ENTPD6: variants seen among roughly 807,000 people sequenced by gnomAD.
The protein encoded by ENTPD6 is CD39 antigen-like 2.
ENTPD6 carries 46 observed loss-of-function variants against 61.5 expected under a neutral mutation model. That is an observed-to-expected ratio of 0.75 (90% CI 0.59 to 0.96). The LOEUF (loss-of-function observed/expected upper bound fraction) is 0.96, where lower values mean the gene tolerates loss of function less well. ENTPD6 is among the 40% of genes least tolerant of loss of function. The pLI, the probability that ENTPD6 is intolerant of heterozygous loss-of-function variation, is 0.00. For synonymous variants in ENTPD6, 252 were observed against 255.5 expected, an observed-to-expected ratio of 0.99 and a Z score of 0.13; for missense variants, 612 against 629.0, an observed-to-expected ratio of 0.97 and a Z score of 0.29.
Position 25,195,820 on chromosome 20 carries a change from G to A in ENTPD6, c.-63G>A. 8.1e-6 allele frequency: 10 copies of A among 1,240,654 alleles called. No individual in the cohort carries two copies. The highest frequency in any genetic ancestry group is 1.0e-5 in the Non-Finnish European group (10 of 989,010). 76.9% of individuals were successfully genotyped at this position (1,240,654 alleles called of 1,614,324 possible). ...AAAGACCGGCTGCCGCCTGCTCCCC[G>A]GAAAAGGGCACTCGTCTCCGTGGGT... On this transcript the variant is annotated 5_prime_UTR_variant, in exon 1 of 15. Transcript: ENST00000376652.
At chr20:25,209,667 T>C (rs2091815589) in intron 3 of ENTPD6, among the ~76,000 whole-genome samples, 182 bp from the exon 4 acceptor site, 1 of 152,178 alleles carries the variant, frequency 6.6e-6, no homozygotes, top group African/African-American at 2.4e-5. Context: ...TTAGGTATTA[T>C]ACTCATCTTG....
At position 25,227,112 on chromosome 20, in the gene ENTPD6, C is replaced by T. The variant is rs1302281052; in HGVS notation, c.*1515C>T. On this transcript the variant is annotated 3_prime_UTR_variant, in exon 15 of 15. Coordinates refer to ENST00000376652, the MANE Select transcript of ENTPD6 (RefSeq NM_001247.5). ...GGAAACTGCAGACCAGCCCACATCC[C>T]GAGTGCTTGTGCCTGAAGCCCCCCC... Among the ~76,000 whole-genome samples, 2 of 152,238 alleles carry T rather than the reference C, an allele frequency of 1.3e-5. No homozygotes were observed. Among genetic ancestry groups the T allele is most frequent in the African/African-American group, 2.4e-5 (1 of 41,464 alleles).
Position 25,213,410 on chromosome 20 carries a change from AGCCTG to A in ENTPD6, c.597+8_597+12del. On this transcript the variant is annotated splice_donor_5th_base_variant and intron_variant, in intron 5 of 14. Transcript: ENST00000376652. ...GGCCCAGAAGTTACTGCAGAAGGTG[AGCCTG>A]GCCATTCCCCAGTGCCATTAGCCAG... 2 of 1,600,430 alleles carry A rather than the reference AGCCTG, an allele frequency of 1.2e-6. No individual in the cohort carries two copies. The highest frequency in any genetic ancestry group is 1.7e-6 in the Non-Finnish European group (2 of 1,172,602).
chr20:25,222,908 G>A lies in ENTPD6; in HGVS notation c.1116G>A (p.Glu372=), dbSNP rs777781015. 3.1e-6 allele frequency: 5 copies of A among 1,614,172 alleles called. No individual in the cohort carries two copies. Among genetic ancestry groups the A allele is most frequent in the Non-Finnish European group, 4.2e-6 (5 of 1,180,028 alleles). ...EVLQNRVHRT[E]EVKHVDFYAF... ...TTCAAAACAGAGTGCACAGGACGGA[G>A]GAAGTGAAGCATGTGGACTTCTATG... Residue 372 remains glutamate, a synonymous_variant, in exon 12 of 15, where the codon GAG becomes GAA. Coordinates refer to ENST00000376652, the MANE Select transcript of ENTPD6 (RefSeq NM_001247.5).
Position 25,214,867 on chromosome 20 carries a change from G to A in ENTPD6, c.598G>A (p.Val200Met), listed in dbSNP as rs879270462. ...AAGTAACATCTCTCTTTACATTTAG[G>A]TGAAAAAAGTATTTAAAGCATCGCC... ...GEKAQKLLQK[V>M]KKVFKASPFL... is the part of the protein sequence containing the mutation. Residue 200 changes from valine (V) to methionine (M), a missense_variant and splice_region_variant, in exon 6 of 15, where the codon GTG becomes ATG. Coordinates refer to ENST00000376652, the MANE Select transcript of ENTPD6 (RefSeq NM_001247.5). The A allele has an allele frequency of 4.1e-6, 6 of 1,477,552 alleles. No individual in the cohort carries two copies. The highest frequency in any genetic ancestry group is 5.7e-6 in the Non-Finnish European group (6 of 1,055,846). The allele number at this position is 1,477,552 out of a possible 1,614,324, so 91.5% of individuals were successfully genotyped here.
chr20:25,211,086 G>C (rs1433451468), intron 4 of ENTPD6, among the ~76,000 whole-genome samples: 2 of 152,182 alleles, frequency 1.3e-5, no homozygotes, highest in African/African-American at 4.8e-5. Context: ...ACTAATACAG[G>C]ATGCCTGGTT....
At chr20:25,195,914 A>G (rs2090334247) in intron 1 of ENTPD6, 47 bp downstream of exon 1, 3 of 1,219,710 alleles carry the variant, frequency 2.5e-6, no homozygotes, top group East Asian at 6.3e-5. Context: ...GGGATCACCG[A>G]CTGTAGGCGG....
Position 25,217,513 on chromosome 20 carries a change from G to A in ENTPD6, c.810G>A (p.Gln270=). 6.2e-7 allele frequency: 1 copy of A among 1,614,116 alleles called. No homozygotes were observed. Among genetic ancestry groups the A allele is most frequent in the Non-Finnish European group, 8.5e-7 (1 of 1,179,988 alleles). ...TCGTTCTTCTCCAGGGCACCCTGCA[G>A]GCCTCCCCACCCGGCTACCTGACGG... The part of the protein sequence containing the change: ...AFLPRVEGTL[Q]ASPPGYLTAL... Residue 270 remains glutamine (Q), a synonymous_variant, in exon 9 of 15, where the codon CAG becomes CAA. Coordinates refer to ENST00000376652, the MANE Select transcript of ENTPD6 (RefSeq NM_001247.5).
Position 25,209,926 on chromosome 20 carries a change from G to C in ENTPD6, c.453+1G>C. The stretch of plus-strand genomic sequence containing the variant: ...TGCCTATGCTGATGATGTTGAAAAG[G>C]TAAGGATCCTCTCCCGTGTCTCCCT... On this transcript the variant is annotated splice_donor_variant, in intron 4 of 14. Coordinates refer to ENST00000376652, the MANE Select transcript of ENTPD6 (RefSeq NM_001247.5). LOFTEE classifies it high-confidence loss of function. The C allele has an allele frequency of 6.2e-7, 1 of 1,613,188 alleles. No homozygotes were observed. Among genetic ancestry groups the C allele is most frequent in the Non-Finnish European group, 8.5e-7 (1 of 1,179,120 alleles).
chr20:25,224,392 C>T (rs1039511300), intron 13 of ENTPD6: 1 of 395,108 alleles, frequency 2.5e-6, no homozygotes, highest in Middle Eastern at 6.9e-4. Context: ...ACTAGGGTAA[C>T]CCCAAGAGTG....
chr20:25,202,436 A>G (rs1175163262), intron 1 of ENTPD6, among the ~76,000 whole-genome samples: 1 of 152,148 alleles, frequency 6.6e-6, no homozygotes, highest in Non-Finnish European at 1.5e-5. Flanking sequence ...TGTTATTTAT[A>G]TATATTTTAT....
At chr20:25,215,354 G>A (rs903319493) in intron 6 of ENTPD6, among the ~76,000 whole-genome samples, 1 of 152,214 alleles carries the variant, frequency 6.6e-6, no homozygotes, top group Non-Finnish European at 1.5e-5. Context: ...TTGAGAGTGA[G>A]TGTGTATGGA....
chr20:25,202,296 T>G (rs2091107598), intron 1 of ENTPD6, among the ~76,000 whole-genome samples: 1 of 152,204 alleles, frequency 6.6e-6, no homozygotes. Context: ...AAACCCATGT[T>G]GTTTGAGGGT....
intron 1 of ENTPD6, among the ~76,000 whole-genome samples, chr20:25,202,804 T>A (rs774570274): frequency 4.6e-5 from 7 of 152,248 alleles, no homozygotes; most frequent in Non-Finnish European, 8.8e-5. Context: ...TAAGTAGTGT[T>A]GCAGACCAAT....
intron 7 of ENTPD6, among the ~76,000 whole-genome samples, chr20:25,216,042 A>G (rs950113169): frequency 6.6e-6 from 1 of 152,216 alleles, no homozygotes; most frequent in African/African-American, 2.4e-5. Context: ...CATATCTTCC[A>G]ATATTGAATG....
intron 10 of ENTPD6, among the ~76,000 whole-genome samples, chr20:25,220,161 T>C (rs567107260): frequency 6.6e-6 from 1 of 152,262 alleles, no homozygotes; most frequent in African/African-American, 2.4e-5. Flanking sequence ...CTCTGTTTTG[T>C]TACCGGTTAT....
intron 13 of ENTPD6, chr20:25,224,839 G>A (rs1223676358): frequency 8.0e-6 from 2 of 250,782 alleles, no homozygotes; most frequent in African/African-American, 2.2e-5. Flanking sequence ...AAGAGCAGGA[G>A]TGGATTGTTC....
At chr20:25,225,142 A>G (rs765075974) in intron 13 of ENTPD6, 63 bp from the exon 14 acceptor site, 1 of 1,555,992 alleles carries the variant, frequency 6.4e-7, no homozygotes, top group East Asian at 2.4e-5. Flanking sequence ...TGGGGTCTGC[A>G]CTTGCCCCTC....
rs750843229 is a variant in ENTPD6 at position 25,209,114 on chromosome 20, A to ATTT, written c.377-735_377-734insTTT. Among the ~76,000 whole-genome samples the ATTT allele has an allele frequency of 1.2e-3, 103 of 87,678 alleles. 1 individual carries two copies. The highest frequency in any genetic ancestry group is 2.6e-3 in the African/African-American group (66 of 24,928). 57.5% of individuals were successfully genotyped at this position (87,678 alleles called of 152,430 possible). A position where few individuals can be genotyped will look rare whatever the true frequency, so the allele number is the denominator to read the frequency against. On this transcript the variant is annotated intron_variant, in intron 3 of 14. Transcript: ENST00000376652. ...TTTTCTTTTTTATTTATTTTTATTT[A>ATTT]ATTTTTTTTTTTTGAGATGGAGTCT...
Sources: allele counts gnomAD v4.1 joint callset (sites outside exome capture counted in the v4.1 genomes callset), GRCh38; gene constraint gnomAD v4.1.1; transcripts MANE v1.5; gene names NCBI Gene and HGNC (gene_info 2026-07-23, HGNC 2026-07-21).